Variants in PDE4D observed in about 807,000 individuals in gnomAD.
The protein encoded by PDE4D is phosphodiesterase 4D, also known as 3',5'-cyclic-AMP phosphodiesterase 4D.
In PDE4D, 24 loss-of-function variants were observed where a neutral mutation model predicts 87.4. The ratio of observed to expected loss-of-function variants is 0.27; its 90% CI spans 0.20 to 0.39. PDE4D has a LOEUF of 0.39. Among genes scored for constraint, PDE4D ranks in the 10% least tolerant of loss-of-function variants. The pLI, the probability that PDE4D is intolerant of heterozygous loss-of-function variation, is 1.00. For synonymous variants in PDE4D, 384 were observed against 383.2 expected, an observed-to-expected ratio of 1.00 and a Z score of -0.02; for missense variants, 714 against 1,041.0, an observed-to-expected ratio of 0.69 and a Z score of 4.32.
chr5:59,393,166 T>A (rs531945136), intron 1 of PDE4D, among the ~76,000 whole-genome samples: 26 of 152,036 alleles, frequency 1.7e-4, no homozygotes, highest in African/African-American at 5.8e-4. Context: ...GACCTACATA[T>A]GGAAAGAAAT....
At chr5:59,127,455 G>C (rs1775571958) in intron 5 of PDE4D, among the ~76,000 whole-genome samples, 1 of 151,754 alleles carries the variant, frequency 6.6e-6, no homozygotes, top group Non-Finnish European at 1.5e-5. Flanking sequence ...CCCCAATTTA[G>C]GTTAATGAGC....
chr5:58,986,610 G>A (rs538553787), intron 11 of PDE4D, among the ~76,000 whole-genome samples: 103 of 152,246 alleles, frequency 6.8e-4, no homozygotes, highest in African/African-American at 2.3e-3. Context: ...TAGGTTGTGC[G>A]TTCCTTATGA....
At chr5:59,756,227 G>A (rs911692455) in intron 1 of PDE4D, among the ~76,000 whole-genome samples, 1 of 151,658 alleles carries the variant, frequency 6.6e-6, no homozygotes, top group East Asian at 1.9e-4. Context: ...TCTTTTGTAA[G>A]CTTAGGTCTT....
chr5:59,195,762 G>A (rs1050455015), intron 2 of PDE4D, among the ~76,000 whole-genome samples: 1 of 152,184 alleles, frequency 6.6e-6, no homozygotes, highest in Non-Finnish European at 1.5e-5. Flanking sequence ...GCTGAAAAAT[G>A]TGCTTACCAC....
chr5:60,111,968 T>C (rs1475301144), intron 2 of PDE4D, among the ~76,000 whole-genome samples: 1 of 152,056 alleles, frequency 6.6e-6, no homozygotes. Flanking sequence ...TTAATTTAAC[T>C]TACTTGATTA....
At position 60,513,515 on chromosome 5, in the gene PDE4D, T is replaced by C. The variant is rs183003641; in HGVS notation, n.70+8536A>G. On this transcript the variant is annotated intron_variant and non_coding_transcript_variant, in intron 1 of 2. Coordinates refer to the PDE4D transcript ENST00000506510. Reference sequence around the variant, plus strand: ...TTTTAACACACCTCTTGTAACAGACTAATAAGTGGGAAAATAGTCACCAGT... The same window carrying C: ...TTTTAACACACCTCTTGTAACAGACCAATAAGTGGGAAAATAGTCACCAGT... Among the ~76,000 whole-genome samples, 96 of 152,206 alleles carry C rather than the reference T, an allele frequency of 6.3e-4. 1 individual carries two copies. Among genetic ancestry groups the C allele is most frequent in the African/African-American group, 2.2e-3 (91 of 41,554 alleles).
chr5:60,421,947 A>G (rs1286950041), intron 1 of PDE4D, among the ~76,000 whole-genome samples: 6 of 152,252 alleles, frequency 3.9e-5, no homozygotes, highest in Admixed American at 1.3e-4. Context: ...GATATCACTG[A>G]CTGAAGATCA....
chr5:59,954,378 ATTATC>A (rs1758612991), intron 3 of PDE4D, among the ~76,000 whole-genome samples: 1 of 152,228 alleles, frequency 6.6e-6, no homozygotes, highest in African/African-American at 2.4e-5. Context: ...TCTCCCAATA[ATTATC>A]TTAGCATAGA....
At chr5:59,126,566 G>C (rs542283471) in intron 5 of PDE4D, among the ~76,000 whole-genome samples, 2 of 152,302 alleles carry the variant, frequency 1.3e-5, no homozygotes, top group African/African-American at 4.8e-5. Context: ...ACAGGTCTTT[G>C]AAAACGAAGA....
At chr5:59,474,615 A>G (rs1469570596) in intron 1 of PDE4D, among the ~76,000 whole-genome samples, 1 of 152,142 alleles carries the variant, frequency 6.6e-6, no homozygotes, top group South Asian at 2.1e-4. Flanking sequence ...TAAAGCATCA[A>G]TCATCTTGGG....
intron 1 of PDE4D, among the ~76,000 whole-genome samples, chr5:60,342,145 T>C (rs10939843): frequency 0.04 from 6,110 of 152,294 alleles, 250 homozygotes; most frequent in East Asian, 0.13. Flanking sequence ...GATGACTTGA[T>C]ACTTGTTAGG....
chr5:59,405,160 T>C (rs144272836), intron 1 of PDE4D, among the ~76,000 whole-genome samples: 2 of 152,308 alleles, frequency 1.3e-5, no homozygotes, highest in East Asian at 1.9e-4. Flanking sequence ...AATCTGAAGA[T>C]TGCTTTGGGT....
intron 1 of PDE4D, among the ~76,000 whole-genome samples, chr5:59,742,827 A>C (rs906187710): frequency 6.6e-6 from 1 of 152,170 alleles, no homozygotes; most frequent in African/African-American, 2.4e-5. Flanking sequence ...ACATTTCTTT[A>C]TATTTACTCT....
chr5:60,162,789 A>G (rs1782572359), intron 2 of PDE4D, among the ~76,000 whole-genome samples: 1 of 152,120 alleles, frequency 6.6e-6, no homozygotes, highest in African/African-American at 2.4e-5. Context: ...CCCAACCACA[A>G]ATGGCAAAGG....
intron 1 of PDE4D, among the ~76,000 whole-genome samples, chr5:59,633,715 C>T (rs1831864432): frequency 6.6e-6 from 1 of 152,094 alleles, no homozygotes. Context: ...ACCAGGCCTG[C>T]CTTACAAGAG....
At chr5:59,602,915 T>C (rs1305694502) in intron 1 of PDE4D, among the ~76,000 whole-genome samples, 2 of 151,944 alleles carry the variant, frequency 1.3e-5, no homozygotes, top group Admixed American at 1.3e-4. Flanking sequence ...TCAACAAAGG[T>C]GCCAAGAACA....
chr5:59,284,624 C>G (rs1200010696), intron 1 of PDE4D, among the ~76,000 whole-genome samples: 9 of 133,746 alleles, frequency 6.7e-5, no homozygotes. Context: ...GGACTGTAAA[C>G]TAGTTCAACC....
At chr5:60,065,993 C>A (rs1447538410) in intron 2 of PDE4D, among the ~76,000 whole-genome samples, 1 of 152,134 alleles carries the variant, frequency 6.6e-6, no homozygotes, top group South Asian at 2.1e-4. Flanking sequence ...AGTTCTAGAT[C>A]CCTGAGGAAT....
At chr5:60,136,235 T>G (rs1490777094) in intron 2 of PDE4D, among the ~76,000 whole-genome samples, 2 of 152,242 alleles carry the variant, frequency 1.3e-5, no homozygotes, top group African/African-American at 2.4e-5. Flanking sequence ...CTACTGCTTT[T>G]TAAAATTTTT....
Sources: allele counts gnomAD v4.1 joint callset (sites outside exome capture counted in the v4.1 genomes callset), GRCh38; gene constraint gnomAD v4.1.1; transcripts MANE v1.5; gene names NCBI Gene and HGNC (gene_info 2026-07-23, HGNC 2026-07-21).